KCTD8: variants seen among roughly 807,000 people sequenced by gnomAD.
The protein encoded by KCTD8 is BTB/POZ domain-containing protein KCTD8.
In KCTD8, 27 loss-of-function variants were observed where a neutral mutation model predicts 31.5. That is an observed-to-expected ratio of 0.86 (90% CI 0.63 to 1.18). KCTD8 has a LOEUF of 1.18. Ranked by LOEUF, KCTD8 falls within the 50% of genes most tolerant of loss-of-function variation. The pLI is 0.00. For missense variants in KCTD8, 658 were observed against 647.7 expected (o/e 1.02, Z -0.17); for synonymous variants, 290 against 280.0 (o/e 1.04, Z -0.36).
At chr4:44,235,095 A>G (rs1024713980) in intron 1 of KCTD8, among the ~76,000 whole-genome samples, 3 of 151,656 alleles carry the variant, frequency 2.0e-5, no homozygotes, top group Non-Finnish European at 4.4e-5. Flanking sequence ...CACGTTGACC[A>G]ATGATGATGA....
At chr4:44,232,273 A>C (rs1577843615) in intron 1 of KCTD8, among the ~76,000 whole-genome samples, 1 of 152,216 alleles carries the variant, frequency 6.6e-6, no homozygotes, top group East Asian at 1.9e-4. Context: ...CTTAATGGTT[A>C]ATTTTTCAAG....
At chr4:44,295,146 A>G (rs967331072) in intron 1 of KCTD8, among the ~76,000 whole-genome samples, 5 of 151,992 alleles carry the variant, frequency 3.3e-5, no homozygotes, top group African/African-American at 1.2e-4. Context: ...AAAAATAATA[A>G]TTAGCCAGAC....
chr4:44,269,827 A>G (rs1050218788), intron 1 of KCTD8, among the ~76,000 whole-genome samples: 2 of 152,178 alleles, frequency 1.3e-5, no homozygotes, highest in African/African-American at 4.8e-5. Context: ...AATGCAAATC[A>G]AAACCACAAT....
At chr4:44,428,323 A>G (rs1485283663) in intron 1 of KCTD8, among the ~76,000 whole-genome samples, 1 of 151,756 alleles carries the variant, frequency 6.6e-6, no homozygotes, top group Non-Finnish European at 1.5e-5. Context: ...TATGATAAGA[A>G]GTGATGACCT....
At chr4:44,274,919 C>T (rs769178845) in intron 1 of KCTD8, among the ~76,000 whole-genome samples, 3 of 151,824 alleles carry the variant, frequency 2.0e-5, no homozygotes, top group Non-Finnish European at 4.4e-5. Context: ...TCTATTAATG[C>T]TGCTTTATCA....
intron 1 of KCTD8, among the ~76,000 whole-genome samples, chr4:44,424,870 C>T (rs893167142): frequency 6.6e-6 from 1 of 151,878 alleles, no homozygotes; most frequent in Admixed American, 6.6e-5. Flanking sequence ...GTTCCCTAAC[C>T]CTCCCAAATT....
chr4:44,397,970 C>T (rs865994974), intron 1 of KCTD8, among the ~76,000 whole-genome samples: 2 of 151,938 alleles, frequency 1.3e-5, no homozygotes, highest in African/African-American at 4.8e-5. Context: ...ATGTACTATC[C>T]TTTTGGTCAC....
chr4:44,374,483 T>C (rs895651944), intron 1 of KCTD8, among the ~76,000 whole-genome samples: 30 of 152,234 alleles, frequency 2.0e-4, no homozygotes, highest in African/African-American at 7.2e-4. Flanking sequence ...GTGTGTTCAC[T>C]GGTGTAGCAC....
rs181904825 is a variant in KCTD8, at chr4:44,268,024, T to A, written c.962-92774A>T. Among the ~76,000 whole-genome samples the A allele has an allele frequency of 4.3e-3, 659 of 152,218 alleles. 18 individuals carry two copies. Among genetic ancestry groups the A allele is most frequent in the Admixed American group, 0.041 (623 of 15,290 alleles). ...TTCCAATCAATAGAAAAAGAGGGAA[T>A]CCTCCCTAACTCATTTTATGAAGCC... is the stretch of plus-strand genomic sequence containing the variant. On this transcript the variant is annotated intron_variant, in intron 1 of 1. Transcript: ENST00000360029.
At chr4:44,227,140 C>T (rs1714987713) in intron 1 of KCTD8, among the ~76,000 whole-genome samples, 2 of 152,214 alleles carry the variant, frequency 1.3e-5, no homozygotes, top group South Asian at 4.1e-4. Flanking sequence ...ATGGTATTGC[C>T]TAGGTTTTCT....
chr4:44,314,861 T>C (rs1386729516), intron 1 of KCTD8, among the ~76,000 whole-genome samples: 5 of 142,216 alleles, frequency 3.5e-5, no homozygotes, highest in Non-Finnish European at 7.7e-5. Flanking sequence ...ATTATAGAAA[T>C]AATTCAAAGA....
chr4:44,262,877 G>A (rs1372983395), intron 1 of KCTD8, among the ~76,000 whole-genome samples: 3 of 151,948 alleles, frequency 2.0e-5, no homozygotes, highest in Non-Finnish European at 2.9e-5. Context: ...TACTCTCAAG[G>A]GTATCTTTCA....
chr4:44,267,653 C>G (rs1157738162), intron 1 of KCTD8, among the ~76,000 whole-genome samples: 1 of 151,702 alleles, frequency 6.6e-6, no homozygotes, highest in Middle Eastern at 3.2e-3. Context: ...GCTAGCAAGA[C>G]TAATAAAGAA....
chr4:44,333,195 C>T (rs1718635242), intron 1 of KCTD8, among the ~76,000 whole-genome samples: 1 of 151,864 alleles, frequency 6.6e-6, no homozygotes, highest in African/African-American at 2.4e-5. Flanking sequence ...TTGGAAAAGA[C>T]TGTGTCGCCG....
At chr4:44,206,389 C>G (rs932634724) in intron 1 of KCTD8, among the ~76,000 whole-genome samples, 2 of 152,162 alleles carry the variant, frequency 1.3e-5, no homozygotes, top group African/African-American at 4.8e-5. Context: ...CCACTTGACT[C>G]CAACAGCCCC....
chr4:44,265,441 G>GA (rs1388070230), intron 1 of KCTD8, among the ~76,000 whole-genome samples: 1 of 152,068 alleles, frequency 6.6e-6, no homozygotes, highest in Non-Finnish European at 1.5e-5. Flanking sequence ...CAAAGATGGG[G>GA]AAAAAACAGA....
At chr4:44,253,609 T>A (rs1254675221) in intron 1 of KCTD8, among the ~76,000 whole-genome samples, 1 of 151,716 alleles carries the variant, frequency 6.6e-6, no homozygotes, top group East Asian at 1.9e-4. Context: ...AGAAGCCACC[T>A]TCATGGCAAG....
Position 44,447,850 on chromosome 4 carries a change from G to C in KCTD8, c.674C>G (p.Ala225Gly), listed in dbSNP as rs1202340974. The change falls in exon 1 of 2, where the codon GCC becomes GGC. Residue 225 changes from alanine to glycine, a missense_variant. Physicochemically the swap from Ala to Gly is moderately conservative, Grantham distance 60. Transcript: ENST00000360029. The stretch of plus-strand genomic sequence containing the variant: ...CGCCACACGCCGGAATTTGGCGTCG[G>C]CCTGGTTGTCGCGCACGGTGGTGTA... ...GSYTTVRDNQ[A>G]DAKFRRVARI... is the part of the protein sequence containing the mutation. The C allele has an allele frequency of 1.9e-6, 3 of 1,583,854 alleles. No homozygotes were observed. Among genetic ancestry groups the C allele is most frequent in the Non-Finnish European group, 2.6e-6 (3 of 1,163,190 alleles).
chr4:44,400,527 G>A (rs369505422), intron 1 of KCTD8, among the ~76,000 whole-genome samples: 16 of 151,874 alleles, frequency 1.1e-4, no homozygotes, highest in East Asian at 5.8e-4. Context: ...TCAGGAGTTC[G>A]AGACCAGCCT....
Sources: allele counts gnomAD v4.1 joint callset (sites outside exome capture counted in the v4.1 genomes callset), GRCh38; gene constraint gnomAD v4.1.1; transcripts MANE v1.5; gene names NCBI Gene and HGNC (gene_info 2026-07-23, HGNC 2026-07-21).